ARGFX: variants seen among roughly 807,000 people sequenced by gnomAD.
ARGFX encodes the protein arginine-fifty homeobox.
Under a neutral mutation model 8.0 loss-of-function variants are expected in ARGFX, and 10 were observed. The observed-to-expected ratio is 1.25, with a 90% CI of 0.77 to 2.12. The LOEUF is 2.12. ARGFX is among the 30% of genes most tolerant of loss of function. ARGFX has a pLI of 0.00. For missense variants in ARGFX, 282 were observed against 324.3 expected, an observed-to-expected ratio of 0.87 and a Z score of 1.00; for synonymous variants, 116 against 117.8, an observed-to-expected ratio of 0.98 and a Z score of 0.10.
In ARGFX at chr3:121,585,908, A is replaced by C. The variant is rs984957130; in HGVS notation, c.370-114A>C. 3.2e-5 allele frequency: 32 copies of C among 1,008,288 alleles called. No individual in the cohort carries two copies. In the Admixed American group the frequency reaches 7.8e-4, roughly 25 times the overall value. The allele number at this position is 1,008,288 out of a possible 1,614,324, so 62.5% of individuals were successfully genotyped here. A position where few individuals can be genotyped will look rare whatever the true frequency, so the allele number is the denominator to read the frequency against. ...CTCTGCTTTTGCAGAGCCCAGTGTC[A>C]TGGTGAATTAGAGAGGACATGAAGA... On this transcript the variant is annotated intron_variant, in intron 4 of 4. Coordinates refer to ENST00000334384, the MANE Select transcript of ARGFX (RefSeq NM_001012659.2).
At chr3:121,572,257 TAA>T (rs1158469901) in intron 2 of ARGFX, among the ~76,000 whole-genome samples, 1 of 110,318 alleles carries the variant, frequency 9.1e-6, no homozygotes, top group Non-Finnish European at 1.9e-5. Flanking sequence ...TTTTTTTTTT[TAA>T]AGACGGAGTT....
In ARGFX at chr3:121,590,095, C is replaced by T. The variant is rs533116322; in HGVS notation, c.*3495C>T. ...AGAAACAAAAGTCAAGATTTTATTA[C>T]CAAACTTATAGAAATAAAAATTATT... On this transcript the variant is annotated 3_prime_UTR_variant, in exon 5 of 5. Coordinates refer to ENST00000334384, the MANE Select transcript of ARGFX (RefSeq NM_001012659.2). Among the ~76,000 whole-genome samples the T allele has an allele frequency of 2.0e-5, 3 of 152,170 alleles. No homozygotes were observed. The South Asian group carries it at 6.2e-4, about 32-fold the overall frequency.
chr3:121,577,515 C>G (rs558401961), intron 3 of ARGFX, among the ~76,000 whole-genome samples: 5 of 151,588 alleles, frequency 3.3e-5, no homozygotes, highest in African/African-American at 1.2e-4. Flanking sequence ...GCCTTGGCCT[C>G]CCAAAGTGCT....
At chr3:121,577,255 A>ATTTTTT (rs1328015610) in intron 3 of ARGFX, among the ~76,000 whole-genome samples, 3 of 56,150 alleles carry the variant, frequency 5.3e-5, no homozygotes, top group South Asian at 5.1e-4. Context: ...ATATATATAT[A>ATTTTTT]TATATTTTTT....
Position 121,570,729 on chromosome 3 carries a change from G to A in ARGFX, c.16G>A (p.Ala6Thr). MRNRM[A>T]PENPQPDPFI... ...TTCAGAAACCATGAGGAACAGAATGGCCCCAGAGAATCCCCAGCCAGACCC... is the reference window on the plus strand; with the variant it reads ...TTCAGAAACCATGAGGAACAGAATGACCCCAGAGAATCCCCAGCCAGACCC... Residue 6 changes from alanine to threonine, a missense_variant, in exon 2 of 5, where the codon GCC becomes ACC. Ala to Thr is a moderately conservative substitution (Grantham distance 58). Transcript: ENST00000334384. The A allele has an allele frequency of 1.2e-6, 2 of 1,609,132 alleles. No homozygotes were observed. Among genetic ancestry groups the A allele is most frequent in the Non-Finnish European group, 1.7e-6 (2 of 1,177,894 alleles).
At position 121,589,738 on chromosome 3, in the gene ARGFX, T is replaced by C. The variant is rs2048834564; in HGVS notation, c.*3138T>C. ...AACAAAAGGAACAACTAACCTGAAA[T>C]ATATAATAACTTTGAACTTAAATAT... is the stretch of plus-strand genomic sequence containing the variant. On this transcript the variant is annotated 3_prime_UTR_variant, in exon 5 of 5. Transcript: ENST00000334384. Among the ~76,000 whole-genome samples the C allele has an allele frequency of 6.6e-6, 1 of 152,086 alleles. No homozygotes were observed. The highest frequency in any genetic ancestry group is 6.6e-5 in the Admixed American group (1 of 15,258).
At position 121,590,120 on chromosome 3, in the gene ARGFX, T is replaced by G. The variant is rs2048836264; in HGVS notation, c.*3520T>G. On this transcript the variant is annotated 3_prime_UTR_variant, in exon 5 of 5. Coordinates refer to ENST00000334384, the MANE Select transcript of ARGFX (RefSeq NM_001012659.2). ...CCAAACTTATAGAAATAAAAATTAT[T>G]AGAAAGAAATACTATGAACAATTGA... Among the ~76,000 whole-genome samples, 1 of 152,168 alleles carries G rather than the reference T, an allele frequency of 6.6e-6. No homozygotes were observed.
In ARGFX at chr3:121,576,781, C is replaced by G; in HGVS notation, c.104-3C>G. The G allele has an allele frequency of 5.3e-6, 2 of 374,150 alleles. No individual in the cohort carries two copies. The highest frequency in any genetic ancestry group is 2.6e-5 in the African/African-American group (1 of 38,924). 23.2% of individuals were successfully genotyped at this position (374,150 alleles called of 1,614,324 possible). On this transcript the variant is annotated splice_region_variant and splice_polypyrimidine_tract_variant and intron_variant, in intron 2 of 4. Transcript: ENST00000334384. ...TTTCTTTCCTTTTCTTTTTTTGAGA[C>G]AGGTTTCACTCTGTTATCCAAGCTG...
Position 121,570,786 on chromosome 3 carries a change from G to A in ARGFX, c.73G>A (p.Val25Met). Residue 25 changes from valine to methionine, a missense_variant, in exon 2 of 5, where the codon GTG (valine) becomes ATG (methionine). Coordinates refer to ENST00000334384, the MANE Select transcript of ARGFX (RefSeq NM_001012659.2). ...CAATAGGAATTATTCCAACATGAAG[G>A]TGATACCACCACAGGATCCAGCTAG... Reference protein sequence around the residue: ...FINRNYSNMKVIPPQDPASPS... With the variant: ...FINRNYSNMKMIPPQDPASPS... 1.9e-6 allele frequency: 3 copies of A among 1,607,184 alleles called. No homozygotes were observed. Among genetic ancestry groups the A allele is most frequent in the Non-Finnish European group, 2.5e-6 (3 of 1,177,170 alleles).
At position 121,586,524 on chromosome 3, in the gene ARGFX, C is replaced by T. The variant is rs199782325; in HGVS notation, c.872C>T (p.Ala291Val). The T allele has an allele frequency of 6.2e-7, 1 of 1,614,150 alleles. No individual in the cohort carries two copies. The highest frequency in any genetic ancestry group is 1.7e-5 in the Admixed American group (1 of 60,004). The change falls in exon 5 of 5, where the codon GCC becomes GTC. Residue 291 changes from alanine (A) to valine (V), a missense_variant. By Grantham distance (64) the Ala-to-Val change is moderately conservative (BLOSUM62 0). Transcript: ENST00000334384. ...ACCTGGCCCAATATGACAAGCCAAG[C>T]CTTTGAAGCCTACAGTCTAACAGAT... is the stretch of plus-strand genomic sequence containing the variant. Reference protein sequence around the residue: ...AQTWPNMTSQAFEAYSLTDSL... With the variant: ...AQTWPNMTSQVFEAYSLTDSL...
chr3:121,571,153 A>T (rs1220461313), intron 2 of ARGFX, among the ~76,000 whole-genome samples: 2 of 152,212 alleles, frequency 1.3e-5, no homozygotes, highest in African/African-American at 4.8e-5. Context: ...AAGGAAAATG[A>T]AAACAAACAA....
intron 2 of ARGFX, among the ~76,000 whole-genome samples, chr3:121,572,462 G>A (rs2048714986): frequency 6.7e-6 from 1 of 149,578 alleles, no homozygotes; most frequent in Non-Finnish European, 1.5e-5. Context: ...GGCTAGATGG[G>A]CTCGAACTCC....
At chr3:121,577,243 A>C (rs1356438850) in intron 3 of ARGFX, among the ~76,000 whole-genome samples, 13 of 88,610 alleles carry the variant, frequency 1.5e-4, no homozygotes, top group South Asian at 4.3e-4. Flanking sequence ...ATATATATAT[A>C]TATATATATA....
intron 2 of ARGFX, among the ~76,000 whole-genome samples, chr3:121,571,881 T>C (rs1373056297): frequency 6.6e-6 from 1 of 151,800 alleles, no homozygotes; most frequent in Admixed American, 6.6e-5. Flanking sequence ...CAGGCTGGAG[T>C]GCAATGGTGC....
intron 2 of ARGFX, among the ~76,000 whole-genome samples, chr3:121,572,305 G>A (rs991411494): frequency 2.7e-5 from 4 of 146,478 alleles, no homozygotes; most frequent in Admixed American, 1.4e-4. Context: ...GCAATGGAGC[G>A]ATCTCGGATC....
intron 3 of ARGFX, among the ~76,000 whole-genome samples, chr3:121,577,251 A>ATT (rs1181781413): frequency 1.3e-3 from 69 of 53,130 alleles, no homozygotes; most frequent in South Asian, 2.6e-3. Context: ...ATATATATAT[A>ATT]TATATATATT....
chr3:121,571,036 T>C (rs1400144230), intron 2 of ARGFX, among the ~76,000 whole-genome samples: 1 of 152,188 alleles, frequency 6.6e-6, no homozygotes, highest in African/African-American at 2.4e-5. Flanking sequence ...GAATATAATA[T>C]ATAGAGCAAG....
chr3:121,584,204 G>GAGGAAGCAAGGAAGGA (rs1181406766), intron 3 of ARGFX, among the ~76,000 whole-genome samples: 4,382 of 104,298 alleles, frequency 0.042, 317 homozygotes, highest in Admixed American at 0.12. Flanking sequence ...GACAGAGAGA[G>GAGGAAGCAAGGAAGGA]AGGAAGGAAG....
At chr3:121,581,526 G>A (rs1222238115) in intron 3 of ARGFX, among the ~76,000 whole-genome samples, 1 of 152,122 alleles carries the variant, frequency 6.6e-6, no homozygotes, top group Non-Finnish European at 1.5e-5. Context: ...TTGAAAAAAG[G>A]TTGACGAACC....
Sources: allele counts gnomAD v4.1 joint callset (sites outside exome capture counted in the v4.1 genomes callset), GRCh38; gene constraint gnomAD v4.1.1; transcripts MANE v1.5; gene names NCBI Gene and HGNC (gene_info 2026-07-23, HGNC 2026-07-21).